SNTB1: variants seen among roughly 807,000 people sequenced by gnomAD.
SNTB1 encodes syntrophin beta 1.
Under a neutral mutation model 48.9 loss-of-function variants are expected in SNTB1, and 36 were observed. The observed-to-expected ratio is 0.74, with a 90% CI of 0.56 to 0.97. The LOEUF is 0.97. SNTB1 is among the 50% of genes least tolerant of loss of function. The pLI is 0.00. For missense variants in SNTB1, 786 were observed against 703.4 expected (o/e 1.12, Z -1.33); for synonymous variants, 299 against 294.6 (o/e 1.01, Z -0.15).
chr8:120,685,178 TCCCTGAGGTGGCTCTGC>T (rs1487988366), intron 2 of SNTB1, among the ~76,000 whole-genome samples: 1 of 152,216 alleles, frequency 6.6e-6, no homozygotes, highest in Non-Finnish European at 1.5e-5. Flanking sequence ...GGAGGTCTTG[TCCCTGAGGTGGCTCTGC>T]CCTTATGGCT....
At chr8:120,626,939 C>T (rs1188407462) in intron 3 of SNTB1, among the ~76,000 whole-genome samples, 1 of 152,160 alleles carries the variant, frequency 6.6e-6, no homozygotes, top group Non-Finnish European at 1.5e-5. Flanking sequence ...CCAGCATTAC[C>T]ACTTTTTGTA....
In SNTB1 at chr8:120,811,570, G is replaced by C; in HGVS notation, c.274C>G (p.Arg92Gly). The change falls in exon 1 of 7, where the codon CGC becomes GGC. Residue 92 changes from arginine (R) to glycine (G), a missense_variant. By Grantham distance (125) the Arg-to-Gly change is moderately radical (BLOSUM62 -2). Transcript: ENST00000517992. ...AQPPDSPAGV[R>G]TAFTDLPEQV... Reference sequence around the variant, plus strand: ...TCGGGCAGGTCGGTGAAAGCGGTGCGGACCCCGGCGGGCGAGTCCGGGGGC... The same window carrying C: ...TCGGGCAGGTCGGTGAAAGCGGTGCCGACCCCGGCGGGCGAGTCCGGGGGC... The C allele has an allele frequency of 6.4e-7, 1 of 1,567,560 alleles. No individual in the cohort carries two copies. The highest frequency in any genetic ancestry group is 8.6e-7 in the Non-Finnish European group (1 of 1,156,876).
chr8:120,772,739 T>TG (rs1335634164), intron 1 of SNTB1, among the ~76,000 whole-genome samples: 1 of 152,154 alleles, frequency 6.6e-6, no homozygotes, highest in Non-Finnish European at 1.5e-5. Flanking sequence ...TTTAAATTGA[T>TG]GGACTCTGGC....
At chr8:120,576,639 G>T (rs1815955627) in intron 3 of SNTB1, among the ~76,000 whole-genome samples, 2 of 152,152 alleles carry the variant, frequency 1.3e-5, no homozygotes, top group Non-Finnish European at 2.9e-5. Flanking sequence ...ATATACAACA[G>T]TGGTTTTGAG....
chr8:120,702,942 A>G (rs1818329825), intron 1 of SNTB1, among the ~76,000 whole-genome samples: 2 of 152,190 alleles, frequency 1.3e-5, no homozygotes, highest in Admixed American at 1.3e-4. Context: ...TAAGGTTATG[A>G]GGATTAAATG....
intron 6 of SNTB1, 54 bp from the exon 7 acceptor site, chr8:120,539,023 G>C (rs1815243890): frequency 2.2e-6 from 3 of 1,387,832 alleles, no homozygotes; most frequent in Non-Finnish European, 3.0e-6. Flanking sequence ...GCTTGATGTA[G>C]ATGGGTGATT....
At chr8:120,628,484 T>C (rs1457949048) in intron 3 of SNTB1, among the ~76,000 whole-genome samples, 1 of 152,134 alleles carries the variant, frequency 6.6e-6, no homozygotes, top group Non-Finnish European at 1.5e-5. Flanking sequence ...TGGCTGGGCA[T>C]GGTGGCTCAC....
At chr8:120,688,757 A>T (rs778931602) in intron 2 of SNTB1, among the ~76,000 whole-genome samples, 2 of 152,234 alleles carry the variant, frequency 1.3e-5, no homozygotes, top group Admixed American at 6.5e-5. Flanking sequence ...GAGCTGGACA[A>T]TTACGGACTA....
chr8:120,789,204 T>G (rs892513782), intron 1 of SNTB1, among the ~76,000 whole-genome samples: 2 of 151,788 alleles, frequency 1.3e-5, no homozygotes, highest in South Asian at 2.1e-4. Flanking sequence ...ATGATCACAG[T>G]GAAACAAATG....
intron 3 of SNTB1, among the ~76,000 whole-genome samples, chr8:120,600,126 T>G (rs546680440): frequency 5.3e-5 from 8 of 152,318 alleles, no homozygotes; most frequent in African/African-American, 1.7e-4. Context: ...CATCAAGAAG[T>G]AGAGTCTCTT....
At chr8:120,616,273 A>C (rs1816712450) in intron 3 of SNTB1, among the ~76,000 whole-genome samples, 3 of 151,272 alleles carry the variant, frequency 2.0e-5, no homozygotes, top group Non-Finnish European at 4.4e-5. Flanking sequence ...TACTTGACTC[A>C]ACACTGGTGC....
intron 3 of SNTB1, among the ~76,000 whole-genome samples, chr8:120,588,623 G>C (rs1466610930): frequency 6.6e-6 from 1 of 152,088 alleles, no homozygotes; most frequent in African/African-American, 2.4e-5. Flanking sequence ...TTGCAACTCA[G>C]CTTAGTTATT....
At chr8:120,766,920 C>T (rs2130084611) in intron 1 of SNTB1, among the ~76,000 whole-genome samples, 1 of 152,248 alleles carries the variant, frequency 6.6e-6, no homozygotes, top group Non-Finnish European at 1.5e-5. Flanking sequence ...ATATTCTATG[C>T]CCATTTAGAA....
At chr8:120,762,640 G>A (rs1819442042) in intron 1 of SNTB1, among the ~76,000 whole-genome samples, 1 of 152,094 alleles carries the variant, frequency 6.6e-6, no homozygotes, top group Non-Finnish European at 1.5e-5. Flanking sequence ...CAAATGCATG[G>A]TGCTTTGGGG....
At chr8:120,617,697 T>C (rs7007838) in intron 3 of SNTB1, among the ~76,000 whole-genome samples, 25,876 of 152,160 alleles carry the variant, frequency 0.17, 3,053 homozygotes, top group East Asian at 0.62. Context: ...TGTCCAACCT[T>C]GCTCCATACT....
chr8:120,767,373 C>A (rs1819544530), intron 1 of SNTB1, among the ~76,000 whole-genome samples: 1 of 152,166 alleles, frequency 6.6e-6, no homozygotes. Context: ...CCTCCCACTC[C>A]AAAGTACTTT....
At chr8:120,566,772 C>T (rs1815756187) in intron 4 of SNTB1, among the ~76,000 whole-genome samples, 1 of 152,120 alleles carries the variant, frequency 6.6e-6, no homozygotes, top group Non-Finnish European at 1.5e-5. Context: ...GTTTAACAGT[C>T]CCAGATGGTG....
intron 1 of SNTB1, among the ~76,000 whole-genome samples, chr8:120,710,078 C>A (rs1427003429): frequency 1.3e-5 from 2 of 152,162 alleles, no homozygotes; most frequent in African/African-American, 2.4e-5. Flanking sequence ...TCACTATCCC[C>A]CCTCCGTTTC....
chr8:120,719,019 TA>T (rs1818609461), intron 1 of SNTB1, among the ~76,000 whole-genome samples: 1 of 152,084 alleles, frequency 6.6e-6, no homozygotes, highest in Non-Finnish European at 1.5e-5. Flanking sequence ...AACAGCAAGG[TA>T]AAAGTTTTGT....
Sources: allele counts gnomAD v4.1 joint callset (sites outside exome capture counted in the v4.1 genomes callset), GRCh38; gene constraint gnomAD v4.1.1; transcripts MANE v1.5; gene names NCBI Gene and HGNC (gene_info 2026-07-23, HGNC 2026-07-21).